RANBP2: variants seen among roughly 807,000 people sequenced by gnomAD.
RANBP2 encodes the protein E3 SUMO-protein ligase RanBP2.
Under a neutral mutation model 303.6 loss-of-function variants are expected in RANBP2, and 57 were observed. That is an observed-to-expected ratio of 0.19 (90% CI 0.15 to 0.23). RANBP2 has a LOEUF of 0.23. Ranked by LOEUF, RANBP2 falls within the 10% of genes least tolerant of loss-of-function variation. RANBP2 has a pLI of 1.00. For synonymous variants in RANBP2, 1,167 were observed against 1,301.5 expected, an observed-to-expected ratio of 0.90 and a Z score of 2.23; for missense variants, 3,138 against 3,780.8, an observed-to-expected ratio of 0.83 and a Z score of 4.46.
chr2:109,233,094 G>A, the RANBP2 span, among the ~76,000 whole-genome samples: 20 of 152,328 alleles, frequency 1.3e-4, no homozygotes, highest in Admixed American at 5.2e-4. Context: ...CACAGCAGTG[G>A]CGAGGGGTGT....
the RANBP2 span, chr2:109,127,615 T>C: frequency 6.6e-6 from 1 of 152,198 alleles, no homozygotes; most frequent in Non-Finnish European, 1.5e-5. Context: ...GAAGATGAGG[T>C]TGGAGGATCT....
At chr2:109,076,391 C>T in the RANBP2 span, among the ~76,000 whole-genome samples, 1 of 150,448 alleles carries the variant, frequency 6.6e-6, no homozygotes, top group African/African-American at 2.4e-5. Flanking sequence ...GTCTATTCAA[C>T]ACAGTACTAG....
the RANBP2 span, among the ~76,000 whole-genome samples, chr2:109,301,111 C>T: frequency 7.6e-4 from 116 of 152,290 alleles, no homozygotes; most frequent in African/African-American, 2.6e-3. Context: ...TATTTTAATA[C>T]TGTGGGAATA....
chr2:108,930,342 GTGGGGGCTCTGC>G, the RANBP2 span: 9 of 1,419,918 alleles, frequency 6.3e-6, no homozygotes, highest in African/African-American at 8.5e-5. Context: ...GTGCCCTGCG[GTGGGGGCTCTGC>G]TGGGGGCTCG....
the RANBP2 span, among the ~76,000 whole-genome samples, chr2:109,744,351 C>A: frequency 1.1e-5 from 1 of 92,318 alleles, no homozygotes; most frequent in South Asian, 4.0e-4. Flanking sequence ...TTTTGATTTG[C>A]ATTTCTTTGA....
At chr2:108,861,834 G>A in the RANBP2 span, among the ~76,000 whole-genome samples, 1 of 152,076 alleles carries the variant, frequency 6.6e-6, no homozygotes, top group Non-Finnish European at 1.5e-5. Flanking sequence ...ACCGCGCCCA[G>A]CCTAAACTTT....
the RANBP2 span, among the ~76,000 whole-genome samples, chr2:108,956,265 G>C: frequency 6.6e-6 from 1 of 152,310 alleles, no homozygotes; most frequent in African/African-American, 2.4e-5. Context: ...ACATCTTTGT[G>C]CCTGGCTGGA....
At chr2:108,732,254 T>G (rs190243020) in intron 4 of RANBP2, among the ~76,000 whole-genome samples, 185 of 152,282 alleles carry the variant, frequency 1.2e-3, no homozygotes, top group African/African-American at 4.4e-3. Context: ...TTGCAAAGAT[T>G]GTACAGAAAG....
At chr2:108,999,875 G>A in the RANBP2 span, among the ~76,000 whole-genome samples, 2 of 152,186 alleles carry the variant, frequency 1.3e-5, no homozygotes, top group Admixed American at 1.3e-4. Context: ...CTTGAACCCA[G>A]GGCTGTAAGA....
the RANBP2 span, among the ~76,000 whole-genome samples, chr2:109,493,146 A>T: frequency 7.1e-6 from 1 of 140,012 alleles, no homozygotes; most frequent in African/African-American, 2.6e-5. Flanking sequence ...CACATACATC[A>T]TACAAAACAC....
At chr2:109,088,040 G>A in the RANBP2 span, among the ~76,000 whole-genome samples, 17 of 152,236 alleles carry the variant, frequency 1.1e-4, no homozygotes, top group Middle Eastern at 3.4e-3. Context: ...CAAGGCGGGC[G>A]GATCATCAAG....
At chr2:109,337,051 T>A in the RANBP2 span, among the ~76,000 whole-genome samples, 1 of 152,248 alleles carries the variant, frequency 6.6e-6, no homozygotes, top group South Asian at 2.1e-4. Flanking sequence ...TAACATTTTT[T>A]AACATAATAG....
At chr2:108,873,406 T>A in the RANBP2 span, 1 of 1,431,152 alleles carries the variant, frequency 7.0e-7, no homozygotes, top group Non-Finnish European at 9.2e-7. Flanking sequence ...TAATTTCCTT[T>A]TTCGCTACTC....
the RANBP2 span, among the ~76,000 whole-genome samples, chr2:109,734,810 A>G: frequency 6.6e-6 from 1 of 152,248 alleles, no homozygotes; most frequent in Non-Finnish European, 1.5e-5. Flanking sequence ...AATGAACTAG[A>G]ATAGAGACTC....
chr2:109,078,083 TA>T, the RANBP2 span, among the ~76,000 whole-genome samples: 1,461 of 10,968 alleles, frequency 0.13, 64 homozygotes, highest in South Asian at 0.34. Flanking sequence ...GATGAATATA[TA>T]TATATATATA....
At chr2:109,732,867 G>A in the RANBP2 span, 10 of 1,271,238 alleles carry the variant, frequency 7.9e-6, no homozygotes, top group Admixed American at 1.7e-5. Context: ...GAAGATCCCC[G>A]AGATGCAGCA....
the RANBP2 span, among the ~76,000 whole-genome samples, chr2:109,706,890 A>T: frequency 6.6e-6 from 1 of 152,146 alleles, no homozygotes; most frequent in Non-Finnish European, 1.5e-5. Flanking sequence ...CCCTGCATTG[A>T]TGCGAGTCCC....
the RANBP2 span, among the ~76,000 whole-genome samples, chr2:109,644,208 G>A: frequency 1.5e-4 from 23 of 151,864 alleles, no homozygotes; most frequent in African/African-American, 5.3e-4. Context: ...TCCGGAGGCC[G>A]AGGCAGGAGA....
the RANBP2 span, chr2:109,128,731 G>A: frequency 5.6e-6 from 1 of 179,756 alleles, no homozygotes; most frequent in South Asian, 9.1e-5. Flanking sequence ...GGATAACGCC[G>A]CCCAAACTTT....
Sources: gnomAD v4.1 joint callset for allele counts (sites outside exome capture counted in the v4.1 genomes callset) on GRCh38, gnomAD v4.1.1 for gene constraint, MANE v1.5 for transcripts, NCBI Gene and HGNC (gene_info 2026-07-23, HGNC 2026-07-21) for gene names.